AGFG1: variants seen among roughly 807,000 people sequenced by gnomAD.
AGFG1 encodes the protein arf-GAP domain and FG repeat-containing protein 1.
In AGFG1, 10 loss-of-function variants were observed where a neutral mutation model predicts 60.6. That is an observed-to-expected ratio of 0.16 (90% CI 0.10 to 0.28). The LOEUF is 0.28. AGFG1 is among the 10% of genes least tolerant of loss of function. The pLI is 1.00. For missense variants in AGFG1, 537 were observed against 676.5 expected (o/e 0.79, Z 2.29); for synonymous variants, 247 against 242.9 (o/e 1.02, Z -0.16).
chr2:227,479,575 T>C (rs1242828416), intron 1 of AGFG1, among the ~76,000 whole-genome samples: 1 of 152,228 alleles, frequency 6.6e-6, no homozygotes, highest in East Asian at 1.9e-4. Context: ...TTTCCTTCTT[T>C]TCTGTGCAGC....
intron 10 of AGFG1, among the ~76,000 whole-genome samples, chr2:227,540,951 G>A (rs956725276): frequency 1.3e-5 from 2 of 152,336 alleles, no homozygotes; most frequent in African/African-American, 2.4e-5. Context: ...GGCCAGTGAT[G>A]AAGAGCATTT....
intron 2 of AGFG1, among the ~76,000 whole-genome samples, chr2:227,511,126 G>A (rs1037534275): frequency 6.6e-6 from 1 of 152,100 alleles, no homozygotes; most frequent in African/African-American, 2.4e-5. Context: ...CTTGCTGTTG[G>A]GAAGTTCTTC....
At position 227,557,176 on chromosome 2, in the gene AGFG1, A is replaced by G. The variant is rs540695861; in HGVS notation, c.*2681A>G. On this transcript the variant is annotated 3_prime_UTR_variant, in exon 13 of 13. Coordinates refer to ENST00000310078, the MANE Select transcript of AGFG1 (RefSeq NM_004504.5). ...GTCACATCATTTTTCCTGTTCAGGT[A>G]TCTGCAGATATCCCTGTTCAGGAAA... 6.6e-6 allele frequency: 1 copy of G among 152,266 alleles called. No homozygotes were observed. The highest frequency in any genetic ancestry group is 2.1e-4 in the South Asian group (1 of 4,822). 9.4% of individuals were successfully genotyped at this position (152,266 alleles called of 1,614,324 possible).
At chr2:227,548,004 A>G (rs1201047521) in intron 10 of AGFG1, among the ~76,000 whole-genome samples, 1 of 152,280 alleles carries the variant, frequency 6.6e-6, no homozygotes, top group Non-Finnish European at 1.5e-5. Context: ...TTACTTGATA[A>G]TAAAAAGTGA....
Position 227,554,717 on chromosome 2 carries a change from T to C in AGFG1, c.*222T>C. On this transcript the variant is annotated 3_prime_UTR_variant, in exon 13 of 13. Coordinates refer to ENST00000310078, the MANE Select transcript of AGFG1 (RefSeq NM_004504.5). ...GGCAGAAAAGGGTAGCGGTATCATGTATATTAAAATTGGCTAATATTAAGT... is the reference window on the plus strand; with the variant it reads ...GGCAGAAAAGGGTAGCGGTATCATGCATATTAAAATTGGCTAATATTAAGT... 2.4e-6 allele frequency: 1 copy of C among 421,716 alleles called. No homozygotes were observed. The highest frequency in any genetic ancestry group is 3.7e-5 in the East Asian group (1 of 26,884). The allele number at this position is 421,716 out of a possible 1,614,324, so 26.1% of individuals were successfully genotyped here.
chr2:227,538,663 G>A (rs114446422), intron 10 of AGFG1, among the ~76,000 whole-genome samples: 453 of 152,246 alleles, frequency 3.0e-3, no homozygotes, highest in Non-Finnish European at 4.6e-3. Context: ...TGGTCTTTGC[G>A]TTACAGCATA....
intron 2 of AGFG1, among the ~76,000 whole-genome samples, chr2:227,513,823 G>A (rs1691569573): frequency 3.9e-5 from 6 of 152,186 alleles, no homozygotes; most frequent in Admixed American, 3.3e-4. Context: ...AATTTATTCT[G>A]TTGTCTGGTG....
At chr2:227,536,140 G>A (rs1575106966) in intron 8 of AGFG1, among the ~76,000 whole-genome samples, 1 of 151,766 alleles carries the variant, frequency 6.6e-6, no homozygotes, top group Non-Finnish European at 1.5e-5. Context: ...ATTTACATTA[G>A]GTATTTCTCC....
chr2:227,508,261 T>C, intron 2 of AGFG1: 1 of 166,112 alleles, frequency 6.0e-6, no homozygotes, highest in Non-Finnish European at 1.3e-5. Flanking sequence ...TACAAATAGA[T>C]CACTATGATT....
intron 1 of AGFG1, among the ~76,000 whole-genome samples, chr2:227,480,560 C>G (rs907261036): frequency 2.0e-5 from 3 of 151,026 alleles, no homozygotes; most frequent in African/African-American, 7.3e-5. Context: ...CTGCAATGAA[C>G]TTCCTTCAAT....
intron 10 of AGFG1, among the ~76,000 whole-genome samples, chr2:227,543,792 G>GT (rs1438779777): frequency 1.3e-5 from 2 of 152,178 alleles, no homozygotes; most frequent in Non-Finnish European, 2.9e-5. Context: ...GGGAGTCTAA[G>GT]TCTCTTTGTA....
chr2:227,482,092 C>T (rs1690487699), intron 1 of AGFG1, among the ~76,000 whole-genome samples: 1 of 152,080 alleles, frequency 6.6e-6, no homozygotes, highest in Admixed American at 6.6e-5. Context: ...GTCTCGATCT[C>T]CTGACCTCGT....
chr2:227,536,611 A>G lies in AGFG1; in HGVS notation c.1206-14A>G, dbSNP rs757062040. ...TTAAGAAAAAAAATGAACTCTTTCA[A>G]TATTTGTTCTCAGCAATGTTTTTGG... On this transcript the variant is annotated splice_polypyrimidine_tract_variant and intron_variant, in intron 8 of 12. Coordinates refer to ENST00000310078, the MANE Select transcript of AGFG1 (RefSeq NM_004504.5). 1.2e-6 allele frequency: 2 copies of G among 1,609,572 alleles called. No homozygotes were observed. The highest frequency in any genetic ancestry group is 1.7e-6 in the Non-Finnish European group (2 of 1,177,594).
intron 1 of AGFG1, among the ~76,000 whole-genome samples, chr2:227,487,921 G>T (rs947772066): frequency 6.6e-6 from 1 of 152,148 alleles, no homozygotes; most frequent in Admixed American, 6.5e-5. Flanking sequence ...GTACAGCCTT[G>T]CACTGAGATA....
At position 227,555,020 on chromosome 2, in the gene AGFG1, T is replaced by C. The variant is rs921004675; in HGVS notation, c.*525T>C. ...TCTAAAGAGCTCTTCTATTTATACA[T>C]GCCTAAATTCTTTTAAAATGTAGAG... On this transcript the variant is annotated 3_prime_UTR_variant, in exon 13 of 13. Transcript: ENST00000310078. The C allele has an allele frequency of 6.6e-6, 1 of 152,664 alleles. No individual in the cohort carries two copies. Among genetic ancestry groups the C allele is most frequent in the East Asian group, 1.9e-4 (1 of 5,206 alleles). The allele number at this position is 152,664 out of a possible 1,614,324, so 9.5% of individuals were successfully genotyped here. A position where few individuals can be genotyped will look rare whatever the true frequency, so the allele number is the denominator to read the frequency against.
chr2:227,539,786 A>G (rs935520831), intron 10 of AGFG1, among the ~76,000 whole-genome samples: 6 of 149,426 alleles, frequency 4.0e-5, no homozygotes, highest in Admixed American at 3.3e-4. Flanking sequence ...CCCTTATTGC[A>G]TAATAGTTCT....
intron 2 of AGFG1, among the ~76,000 whole-genome samples, chr2:227,492,301 CAA>C (rs563554800): frequency 7.9e-5 from 12 of 151,888 alleles, no homozygotes; most frequent in Non-Finnish European, 1.0e-4. Flanking sequence ...ATAAAATTAA[CAA>C]AGAGAGTGGG....
At chr2:227,534,694 A>G (rs1489325868) in intron 7 of AGFG1, 151 bp from the exon 8 acceptor site, 1 of 738,226 alleles carries the variant, frequency 1.4e-6, no homozygotes, top group Non-Finnish European at 2.2e-6. Flanking sequence ...CCTGTCCAGT[A>G]TGGTCCAGGT....
intron 2 of AGFG1, chr2:227,508,571 A>G (rs1319432270): frequency 1.1e-5 from 5 of 466,706 alleles, no homozygotes; most frequent in Non-Finnish European, 1.3e-5. Flanking sequence ...ACCTTTGGTT[A>G]ATTTTTCCTT....
Sources: gnomAD v4.1 joint callset for allele counts (sites outside exome capture counted in the v4.1 genomes callset) on GRCh38, gnomAD v4.1.1 for gene constraint, MANE v1.5 for transcripts, NCBI Gene and HGNC (gene_info 2026-07-23, HGNC 2026-07-21) for gene names.